The following PARVB variants were observed in gnomAD, a reference collection of about 807,000 sequenced individuals.
PARVB encodes the protein beta-parvin.
A neutral mutation model predicts 47.0 loss-of-function variants in PARVB; 46 were observed. The ratio of observed to expected loss-of-function variants is 0.98; its 90% CI spans 0.77 to 1.25. PARVB has a LOEUF of 1.25. Among genes scored for constraint, PARVB ranks in the 50% most tolerant of loss-of-function variants. PARVB has a pLI of 0.00. For synonymous variants in PARVB, 196 were observed against 196.3 expected (o/e 1.00, Z 0.01); for missense variants, 473 against 471.6 (o/e 1.00, Z -0.03).
intron 8 of PARVB, 200 bp from the exon 9 acceptor site, chr22:44,147,661 G>A (rs530639516): frequency 1.5e-5 from 11 of 743,666 alleles, no homozygotes; most frequent in Admixed American, 3.4e-5. Flanking sequence ...GTTCCCAAGC[G>A]CTCTTGCTCG....
At chr22:44,075,133 G>A (rs1344145280) in intron 1 of PARVB, among the ~76,000 whole-genome samples, 11 of 152,148 alleles carry the variant, frequency 7.2e-5, no homozygotes, top group Admixed American at 2.6e-4. Flanking sequence ...GTTGAGATCC[G>A]CTGAGCTGAG....
chr22:44,092,310 C>G (rs946756255), intron 1 of PARVB, among the ~76,000 whole-genome samples: 1 of 152,124 alleles, frequency 6.6e-6, no homozygotes, highest in Admixed American at 6.6e-5. Context: ...AAGGTTCCAC[C>G]ATGTTGGCCA....
intron 11 of PARVB, among the ~76,000 whole-genome samples, chr22:44,162,084 C>A (rs1008054065): frequency 6.6e-6 from 1 of 152,236 alleles, no homozygotes; most frequent in Admixed American, 6.5e-5. Context: ...GACCCTCTTG[C>A]GGTTGGTGCT....
intron 1 of PARVB, among the ~76,000 whole-genome samples, chr22:44,093,670 G>A (rs903026116): frequency 6.6e-6 from 1 of 152,188 alleles, no homozygotes; most frequent in Non-Finnish European, 1.5e-5. Context: ...TTAGTTATGA[G>A]TTTCAAAGGG....
intron 1 of PARVB, among the ~76,000 whole-genome samples, chr22:44,062,638 G>GAAA (rs751974344): frequency 2.1e-5 from 3 of 140,348 alleles, no homozygotes; most frequent in Non-Finnish European, 4.7e-5. Flanking sequence ...ACCCTGTCTG[G>GAAA]AAAAAAAAAA....
chr22:44,083,629 G>A (rs1302526771), intron 1 of PARVB, among the ~76,000 whole-genome samples: 1 of 151,968 alleles, frequency 6.6e-6, no homozygotes, highest in Non-Finnish European at 1.5e-5. Context: ...TGTGGGGACA[G>A]TCGAGCAGAG....
chr22:44,145,524 A>G (rs11914097), intron 8 of PARVB: 47,909 of 152,130 alleles, frequency 0.31, 7,846 homozygotes, highest in East Asian at 0.56. Context: ...CTGGTAACAG[A>G]GGGTCCCTCC....
rs571365427 is a variant in PARVB at position 44,172,855 on chromosome 22, C to T, written c.*4177C>T. On this transcript the variant is annotated 3_prime_UTR_variant, in exon 13 of 13. Coordinates refer to ENST00000338758, the MANE Select transcript of PARVB (RefSeq NM_013327.5). ...AGCTCACTGCAACACCGGGCAAACA[C>T]TTCTTCCGCCAGGGATGCGGTTAGG... 6.4e-6 allele frequency: 5 copies of T among 786,312 alleles called. No individual in the cohort carries two copies. Among genetic ancestry groups the T allele is most frequent in the South Asian group, 5.0e-5 (3 of 59,568 alleles). The allele number at this position is 786,312 out of a possible 1,614,324, so 48.7% of individuals were successfully genotyped here.
intron 4 of PARVB, among the ~76,000 whole-genome samples, chr22:44,123,348 A>C (rs1194641267): frequency 2.0e-5 from 3 of 152,152 alleles, no homozygotes; most frequent in Non-Finnish European, 4.4e-5. Flanking sequence ...AGGGGCAGAG[A>C]ACTGTGCCTT....
chr22:44,126,311 T>C (rs2053184615), intron 4 of PARVB, among the ~76,000 whole-genome samples: 1 of 152,212 alleles, frequency 6.6e-6, no homozygotes, highest in Non-Finnish European at 1.5e-5. Flanking sequence ...AAGTCTGAAA[T>C]GTTCATCAAG....
chr22:44,082,621 T>C (rs1421940576), intron 1 of PARVB, among the ~76,000 whole-genome samples: 1 of 152,204 alleles, frequency 6.6e-6, no homozygotes, highest in Non-Finnish European at 1.5e-5. Flanking sequence ...GAATGTGTCC[T>C]CCTTTGTAGA....
rs552622961 is a variant in PARVB, at chr22:44,081,626, G to A, written c.113-12302G>A. 1,305 of 984,964 alleles carry A rather than the reference G, an allele frequency of 1.3e-3. 2 individuals are homozygous for A. Among genetic ancestry groups the A allele is most frequent in the Non-Finnish European group, 1.5e-3 (1,263 of 829,656 alleles). The allele number at this position is 984,964 out of a possible 1,614,324, so 61.0% of individuals were successfully genotyped here. On this transcript the variant is annotated intron_variant, in intron 1 of 12. Coordinates refer to ENST00000338758, the MANE Select transcript of PARVB (RefSeq NM_013327.5). ...CCGTTTCTGCTTTCCTTTATGAAGT[G>A]CGTTTCTCTAAGAGCCTGGCAGTCT...
In PARVB at chr22:44,032,659, C is replaced by T. The variant is rs368086412; in HGVS notation, c.112+8208C>T. ...ATCAGCAATTGAGTGAGCGCTCAAT[C>T]AGAATTCGTTATGGATGAATGTGGA... On this transcript the variant is annotated intron_variant, in intron 1 of 12. Coordinates refer to ENST00000338758, the MANE Select transcript of PARVB (RefSeq NM_013327.5). Among the ~76,000 whole-genome samples the T allele has an allele frequency of 5.3e-4, 80 of 152,224 alleles. No homozygotes were observed. The Middle Eastern group carries it at 0.014, about 26-fold the overall frequency.
At chr22:44,045,016 A>G (rs1249153024) in intron 1 of PARVB, among the ~76,000 whole-genome samples, 1 of 152,152 alleles carries the variant, frequency 6.6e-6, no homozygotes, top group African/African-American at 2.4e-5. Flanking sequence ...AGGCAGGAGG[A>G]TTGCTTGAGC....
chr22:44,061,380 G>A lies in PARVB; in HGVS notation c.113-32548G>A, dbSNP rs928661494. 2.6e-5 allele frequency among the ~76,000 whole-genome samples: 4 copies of A among 150,952 alleles called. No homozygotes were observed. The South Asian group carries it at 8.4e-4, about 32-fold the overall frequency. ...CAGGAGGCAGAGGTTGCAGTGAGCC[G>A]AAGTCACGTCACTGTACTCCAGCCT... On this transcript the variant is annotated intron_variant, in intron 1 of 12. Coordinates refer to ENST00000338758, the MANE Select transcript of PARVB (RefSeq NM_013327.5).
At chr22:44,128,970 C>T (rs553866582) in intron 4 of PARVB, among the ~76,000 whole-genome samples, 3 of 152,224 alleles carry the variant, frequency 2.0e-5, no homozygotes, top group African/African-American at 7.2e-5. Flanking sequence ...CCCAGCTACT[C>T]GGGAGGCTGA....
At chr22:44,127,103 T>C (rs1197724624) in intron 4 of PARVB, among the ~76,000 whole-genome samples, 3 of 152,238 alleles carry the variant, frequency 2.0e-5, no homozygotes, top group Non-Finnish European at 4.4e-5. Context: ...GTGTTATCCA[T>C]AAAGTATAAC....
chr22:44,155,037 T>G lies in PARVB; in HGVS notation c.844-2945T>G, dbSNP rs2401649. Among the ~76,000 whole-genome samples, 29 of 42,526 alleles carry G rather than the reference T, an allele frequency of 6.8e-4. No individual in the cohort carries two copies. Among genetic ancestry groups the G allele is most frequent in the Middle Eastern group, 0.021 (2 of 94 alleles). 27.9% of individuals were successfully genotyped at this position (42,526 alleles called of 152,430 possible). A position where few individuals can be genotyped will look rare whatever the true frequency, so the allele number is the denominator to read the frequency against. On this transcript the variant is annotated intron_variant, in intron 10 of 12. Transcript: ENST00000338758. The surrounding 1 kb of genome is among the most constrained non-coding windows in gnomAD (Gnocchi z 4.8). The stretch of plus-strand genomic sequence containing the variant: ...TGTGTGGTTTTTGTAGTCTGTGTGG[T>G]GTGTGTGTGTGTGTGTGTGTGGTTT...
At chr22:44,027,249 A>C (rs1238514734) in intron 1 of PARVB, among the ~76,000 whole-genome samples, 1 of 152,114 alleles carries the variant, frequency 6.6e-6, no homozygotes, top group Non-Finnish European at 1.5e-5. Context: ...TGCAGAGAAG[A>C]CCAACAACAC....
Sources: allele counts gnomAD v4.1 joint callset (sites outside exome capture counted in the v4.1 genomes callset), GRCh38; gene constraint gnomAD v4.1.1; non-coding constraint Gnocchi (gnomAD v3.1); transcripts MANE v1.5; gene names NCBI Gene and HGNC (gene_info 2026-07-23, HGNC 2026-07-21).